The following ZNF536 variants were observed in gnomAD, a reference collection of about 807,000 sequenced individuals.
ZNF536 encodes the protein zinc finger protein 536.
ZNF536 carries 13 observed loss-of-function variants against 84.5 expected under a neutral mutation model. That is an observed-to-expected ratio of 0.15 (90% CI 0.10 to 0.24). ZNF536 has a LOEUF of 0.24. Among genes scored for constraint, ZNF536 ranks in the 10% least tolerant of loss-of-function variants. ZNF536 has a pLI of 1.00. For missense variants in ZNF536, 1,536 were observed against 1,747.5 expected (o/e 0.88, Z 2.16); for synonymous variants, 811 against 742.5 (o/e 1.09, Z -1.50).
At chr19:30,360,621 C>T (rs990840053) in intron 3 of ZNF536, among the ~76,000 whole-genome samples, 3 of 152,012 alleles carry the variant, frequency 2.0e-5, no homozygotes, top group East Asian at 1.9e-4. Flanking sequence ...AGGTGATAGT[C>T]GGTCTGACGC....
intron 1 of ZNF536, among the ~76,000 whole-genome samples, chr19:30,259,421 C>A (rs1281383207): frequency 2.6e-5 from 4 of 152,198 alleles, no homozygotes; most frequent in Admixed American, 2.6e-4. Context: ...ACAGCATGGG[C>A]GTCACCAGGG....
At chr19:30,326,315 G>A (rs566562058) in intron 2 of ZNF536, among the ~76,000 whole-genome samples, 345 of 152,330 alleles carry the variant, frequency 2.3e-3, no homozygotes, top group African/African-American at 8.0e-3. Context: ...CCCACGGGGC[G>A]AAGAGGGGAA....
At chr19:30,661,196 G>C (rs1404208251) in intron 1 of ZNF536, among the ~76,000 whole-genome samples, 1 of 152,196 alleles carries the variant, frequency 6.6e-6, no homozygotes, top group African/African-American at 2.4e-5. Flanking sequence ...TTTCTGCTCT[G>C]CTTTGCTCTG....
chr19:30,257,048 T>C (rs1172180871), intron 1 of ZNF536, among the ~76,000 whole-genome samples: 3 of 152,234 alleles, frequency 2.0e-5, no homozygotes, highest in African/African-American at 7.2e-5. Flanking sequence ...TTTACCATAA[T>C]TGTTTCATAT....
chr19:30,307,008 C>A (rs12151290), intron 2 of ZNF536, among the ~76,000 whole-genome samples: 51,587 of 151,662 alleles, frequency 0.34, 10,631 homozygotes, highest in Non-Finnish European at 0.47. Flanking sequence ...ATATATATAT[C>A]TCTCCAGAAT....
At chr19:30,360,607 T>C (rs2048243049) in intron 3 of ZNF536, among the ~76,000 whole-genome samples, 1 of 152,144 alleles carries the variant, frequency 6.6e-6, no homozygotes, top group African/African-American at 2.4e-5. Context: ...ATGACATTTC[T>C]GGAAGGTGAT....
chr19:30,332,835 C>T (rs1398215258), intron 2 of ZNF536, among the ~76,000 whole-genome samples: 2 of 152,216 alleles, frequency 1.3e-5, no homozygotes, highest in Non-Finnish European at 2.9e-5. Context: ...AATCCCAGCA[C>T]TTTGGAAGGC....
At chr19:30,663,288 A>T (rs893620330) in intron 1 of ZNF536, among the ~76,000 whole-genome samples, 11 of 152,118 alleles carry the variant, frequency 7.2e-5, no homozygotes, top group African/African-American at 2.4e-4. Context: ...AATTTGTGTG[A>T]TCTTTGAACT....
At chr19:30,354,682 C>A (rs965501232) in intron 3 of ZNF536, among the ~76,000 whole-genome samples, 6 of 152,152 alleles carry the variant, frequency 3.9e-5, no homozygotes, top group African/African-American at 1.4e-4. Context: ...ATTTCTGGGT[C>A]ACATGAACTG....
At chr19:30,338,361 G>A (rs1396974968) in intron 2 of ZNF536, among the ~76,000 whole-genome samples, 1 of 151,784 alleles carries the variant, frequency 6.6e-6, no homozygotes, top group East Asian at 1.9e-4. Context: ...TGGTGATGGC[G>A]ATGATGGTGA....
intron 1 of ZNF536, among the ~76,000 whole-genome samples, chr19:30,274,265 C>A (rs184199288): frequency 6.6e-6 from 1 of 152,190 alleles, no homozygotes; most frequent in Non-Finnish European, 1.5e-5. Flanking sequence ...ATTTGACTGT[C>A]GAAATGCCAG....
At chr19:30,424,417 C>G (rs538771360) in intron 1 of ZNF536, among the ~76,000 whole-genome samples, 1 of 152,176 alleles carries the variant, frequency 6.6e-6, no homozygotes, top group Admixed American at 6.5e-5. Flanking sequence ...ATCAAACACC[C>G]TGGGGCTCCC....
In ZNF536 at chr19:30,504,771, G is replaced by T. The variant is rs140701036; in HGVS notation, c.2171-30076G>T. Reference sequence around the variant, plus strand: ...GGATTCAGGCTGCTGCCCTCATGGGGTTTGCATGCCTACTCTCCCCATTTT... The same window carrying T: ...GGATTCAGGCTGCTGCCCTCATGGGTTTTGCATGCCTACTCTCCCCATTTT... On this transcript the variant is annotated intron_variant, in intron 2 of 4. Transcript: ENST00000355537. Among the ~76,000 whole-genome samples, 699 of 151,946 alleles carry T rather than the reference G, an allele frequency of 4.6e-3. 1 individual carries two copies. The highest frequency in any genetic ancestry group is 6.7e-3 in the Non-Finnish European group (459 of 68,000).
intron 2 of ZNF536, among the ~76,000 whole-genome samples, chr19:30,307,624 C>A (rs2046380216): frequency 6.6e-6 from 1 of 152,154 alleles, no homozygotes; most frequent in South Asian, 2.1e-4. Flanking sequence ...TACGTCCCTC[C>A]TGCTTCATAA....
intron 2 of ZNF536, among the ~76,000 whole-genome samples, chr19:30,294,239 G>A (rs1471038354): frequency 6.6e-6 from 1 of 152,154 alleles, no homozygotes; most frequent in African/African-American, 2.4e-5. Context: ...AGAGGCACGT[G>A]TATTTGCTGA....
chr19:30,657,777 C>T (rs1263516782), intron 1 of ZNF536, among the ~76,000 whole-genome samples: 1 of 152,156 alleles, frequency 6.6e-6, no homozygotes, highest in Non-Finnish European at 1.5e-5. Context: ...CTTGATTTCT[C>T]CTCTCTCTCC....
intron 2 of ZNF536, among the ~76,000 whole-genome samples, chr19:30,525,975 G>C (rs936784908): frequency 6.6e-6 from 1 of 152,200 alleles, no homozygotes. Context: ...CCCCCAACCA[G>C]AGGCTGTTCC....
At chr19:30,459,743 T>C (rs956015264) in intron 2 of ZNF536, among the ~76,000 whole-genome samples, 1 of 152,134 alleles carries the variant, frequency 6.6e-6, no homozygotes, top group Non-Finnish European at 1.5e-5. Flanking sequence ...ATATCCCTAG[T>C]GCGATGTTGG....
At chr19:30,610,529 G>T (rs979232847) in intron 1 of ZNF536, among the ~76,000 whole-genome samples, 3 of 152,186 alleles carry the variant, frequency 2.0e-5, no homozygotes, top group African/African-American at 7.2e-5. Flanking sequence ...CTGGGGTGAG[G>T]TATTCCCATT....
Sources: gnomAD v4.1 joint callset for allele counts (sites outside exome capture counted in the v4.1 genomes callset) on GRCh38, gnomAD v4.1.1 for gene constraint, MANE v1.5 for transcripts, NCBI Gene and HGNC (gene_info 2026-07-23, HGNC 2026-07-21) for gene names.